PGM1: variants seen among roughly 807,000 people sequenced by gnomAD.
PGM1 encodes the protein phosphoglucomutase 1.
A neutral mutation model predicts 55.6 loss-of-function variants in PGM1; 52 were observed. That is an observed-to-expected ratio of 0.94 (90% CI 0.75 to 1.18). The LOEUF is 1.18. PGM1 is among the 50% of genes most tolerant of loss of function. The pLI is 0.00. For synonymous variants in PGM1, 287 were observed against 271.7 expected (o/e 1.06, Z -0.55); for missense variants, 724 against 729.3 (o/e 0.99, Z 0.08).
intron 1 of PGM1, among the ~76,000 whole-genome samples, chr1:63,624,658 A>G (rs1408682941): frequency 1.3e-5 from 2 of 152,160 alleles, no homozygotes; most frequent in Non-Finnish European, 2.9e-5. Context: ...GTACCTGCAA[A>G]TTTTAAAATC....
At chr1:63,603,340 C>T (rs1648295662) in intron 1 of PGM1, among the ~76,000 whole-genome samples, 1 of 152,106 alleles carries the variant, frequency 6.6e-6, no homozygotes, top group African/African-American at 2.4e-5. Context: ...GAGGATAATG[C>T]TAATCTGGGC....
At chr1:63,627,053 A>T in intron 1 of PGM1, among the ~76,000 whole-genome samples, 1 of 93,176 alleles carries the variant, frequency 1.1e-5, no homozygotes, top group African/African-American at 3.7e-5. Flanking sequence ...ATATGGCAGG[A>T]CCCCCCCCCC....
chr1:63,615,952 T>C lies in PGM1; in HGVS notation c.247-13473T>C, dbSNP rs181191062. Among the ~76,000 whole-genome samples, 59 of 152,158 alleles carry C rather than the reference T, an allele frequency of 3.9e-4. No individual in the cohort carries two copies. In the East Asian group the frequency reaches 0.011, roughly 27 times the overall value. ...TGTGCAAGGCTGCTCTGGGCAGAGG[T>C]GAGTGAAGCACTGCCCCTTACGAGG... On this transcript the variant is annotated intron_variant, in intron 1 of 10. Coordinates refer to ENST00000371084, the MANE Select transcript of PGM1 (RefSeq NM_002633.3).
Position 63,654,417 on chromosome 1 carries a change from A to C in PGM1, c.1550A>C (p.Tyr517Ser), listed in dbSNP as rs773127524. 13 of 1,614,046 alleles carry C rather than the reference A, an allele frequency of 8.1e-6. No individual in the cohort carries two copies. The highest frequency in any genetic ancestry group is 1.0e-5 in the Non-Finnish European group (12 of 1,179,942). Reference protein sequence around the residue: ...TGSAGATIRLYIDSYEKDVAK... With the variant: ...TGSAGATIRLSIDSYEKDVAK... ...AGTGCCGGGGCCACCATTCGGCTGTACATCGATAGCTATGAGAAGGACGTT... is the reference window on the plus strand; with the variant it reads ...AGTGCCGGGGCCACCATTCGGCTGTCCATCGATAGCTATGAGAAGGACGTT... Residue 517 changes from tyrosine to serine, a missense_variant, in exon 10 of 11, where the codon TAC becomes TCC. By Grantham distance (144) the Tyr-to-Ser change is moderately radical (BLOSUM62 -2). This residue lies in a region of PGM1 where 316 missense variants were observed against 313.1 expected (regional missense o/e 1.01). Transcript: ENST00000371084.
intron 9 of PGM1, 144 bp from the exon 10 acceptor site, chr1:63,654,188 G>A: frequency 1.2e-6 from 1 of 811,430 alleles, no homozygotes; most frequent in Non-Finnish European, 2.1e-6. Flanking sequence ...GGCTCACAAG[G>A]TGCAGCTGCT....
At chr1:63,634,270 G>T (rs1649302262) in intron 4 of PGM1, among the ~76,000 whole-genome samples, 1 of 151,948 alleles carries the variant, frequency 6.6e-6, no homozygotes, top group African/African-American at 2.4e-5. Context: ...TAACATATCT[G>T]CCAGGTACTA....
chr1:63,634,879 G>C lies in PGM1; in HGVS notation c.733G>C (p.Ala245Pro), dbSNP rs751982045. The change falls in exon 5 of 11, where the codon GCG becomes CCG. Residue 245 changes from alanine to proline, a missense_variant. Physicochemically the swap from Ala to Pro is conservative, Grantham distance 27. Transcript: ENST00000371084. ...CCTCTGTGAAGAACTCGGTGCCCCT[G>C]CGAACTCGGCAGTTAACTGCGTTCC... ...KILCEELGAP[A>P]NSAVNCVPLE... 6.3e-7 allele frequency: 1 copy of C among 1,587,938 alleles called. No individual in the cohort carries two copies. Among genetic ancestry groups the C allele is most frequent in the Non-Finnish European group, 8.6e-7 (1 of 1,168,034 alleles).
At chr1:63,635,767 G>A (rs1489716684) in intron 5 of PGM1, among the ~76,000 whole-genome samples, 1 of 152,220 alleles carries the variant, frequency 6.6e-6, no homozygotes, top group Non-Finnish European at 1.5e-5. Flanking sequence ...TGTGATGAGT[G>A]CATTCTGGGA....
At chr1:63,604,499 G>T (rs1648355864) in intron 1 of PGM1, among the ~76,000 whole-genome samples, 1 of 152,060 alleles carries the variant, frequency 6.6e-6, no homozygotes, top group Non-Finnish European at 1.5e-5. Context: ...TCAGGAAATT[G>T]TGTACCTGAC....
At chr1:63,630,355 A>C (rs372677982) in intron 3 of PGM1, among the ~76,000 whole-genome samples, 2 of 152,284 alleles carry the variant, frequency 1.3e-5, no homozygotes, top group South Asian at 4.1e-4. Flanking sequence ...CCTTGACTAG[A>C]AGACCTGCAG....
rs138397858 is a variant in PGM1, at chr1:63,621,428, C to G, written c.247-7997C>G. 3.1e-3 allele frequency among the ~76,000 whole-genome samples: 475 copies of G among 152,246 alleles called. 5 individuals carry two copies. The highest frequency in any genetic ancestry group is 0.01 in the African/African-American group (432 of 41,524). ...ACTACCAATTATGTGGTTGGCTGCT[C>G]TGTTATTCCAATGAAAAGATTATTG... On this transcript the variant is annotated intron_variant, in intron 1 of 10. Coordinates refer to ENST00000371084, the MANE Select transcript of PGM1 (RefSeq NM_002633.3).
At chr1:63,649,950 C>T (rs1649761042) in intron 8 of PGM1, among the ~76,000 whole-genome samples, 1 of 152,056 alleles carries the variant, frequency 6.6e-6, no homozygotes, top group African/African-American at 2.4e-5. Flanking sequence ...CGTTTTGAAC[C>T]GATAAATGAA....
At chr1:63,610,386 G>A (rs1570477131) in intron 1 of PGM1, among the ~76,000 whole-genome samples, 1 of 151,948 alleles carries the variant, frequency 6.6e-6, no homozygotes, top group South Asian at 2.1e-4. Context: ...AAAAAAAAAA[G>A]TTACAGGCGT....
chr1:63,651,010 G>A (rs112215971), intron 8 of PGM1, among the ~76,000 whole-genome samples: 2 of 151,982 alleles, frequency 1.3e-5, no homozygotes, highest in African/African-American at 4.8e-5. Context: ...AATCACCATG[G>A]CACATTTACC....
At chr1:63,623,387 T>C (rs1359564508) in intron 1 of PGM1, 4 of 1,551,132 alleles carry the variant, frequency 2.6e-6, no homozygotes, top group African/African-American at 1.4e-5. Context: ...CAGCTTCAGG[T>C]TGGACAGACC....
chr1:63,606,745 G>C (rs1295289903), intron 1 of PGM1, among the ~76,000 whole-genome samples: 1 of 152,168 alleles, frequency 6.6e-6, no homozygotes, highest in African/African-American at 2.4e-5. Flanking sequence ...ATTGATGTTG[G>C]GAAACAACCA....
intron 1 of PGM1, chr1:63,594,032 G>A (rs1446183047): frequency 9.0e-7 from 1 of 1,111,958 alleles, no homozygotes; most frequent in Non-Finnish European, 1.1e-6. Context: ...TCTAGCCGCT[G>A]CCTTCCCTCT....
intron 7 of PGM1, among the ~76,000 whole-genome samples, chr1:63,639,117 A>G (rs1429415851): frequency 6.6e-6 from 1 of 152,188 alleles, no homozygotes; most frequent in Non-Finnish European, 1.5e-5. Context: ...TCGGTGGTCA[A>G]AGAAACCTTT....
intron 1 of PGM1, among the ~76,000 whole-genome samples, chr1:63,616,964 C>T (rs1210906801): frequency 1.3e-5 from 2 of 152,208 alleles, no homozygotes; most frequent in African/African-American, 4.8e-5. Flanking sequence ...AAGGCTAATA[C>T]TTACGCAGGG....
Sources: allele counts gnomAD v4.1 joint callset (sites outside exome capture counted in the v4.1 genomes callset), GRCh38; gene constraint gnomAD v4.1.1; regional missense constraint gnomAD v4.1.1; transcripts MANE v1.5; gene names NCBI Gene and HGNC (gene_info 2026-07-23, HGNC 2026-07-21).